The following KHDRBS2 variants were observed in gnomAD, a reference collection of about 807,000 sequenced individuals.
KHDRBS2 encodes the protein KH domain-containing, RNA-binding, signal transduction-associated protein 2.
In KHDRBS2, 26 loss-of-function variants were observed where a neutral mutation model predicts 44.3. The ratio of observed to expected loss-of-function variants is 0.59; its 90% CI spans 0.43 to 0.81. The LOEUF is 0.81. KHDRBS2 is among the 40% of genes least tolerant of loss of function. The probability of loss-of-function intolerance (pLI) is 0.00; values close to 1 mark genes in which losing one functional copy is unlikely to be tolerated. For synonymous variants in KHDRBS2, 194 were observed against 151.1 expected, an observed-to-expected ratio of 1.28 and a Z score of -2.08; for missense variants, 476 against 433.1, an observed-to-expected ratio of 1.10 and a Z score of -0.88.
chr6:61,955,238 A>G (rs1318977649), intron 4 of KHDRBS2, among the ~76,000 whole-genome samples: 7 of 145,464 alleles, frequency 4.8e-5, no homozygotes, highest in Non-Finnish European at 1.1e-4. Context: ...ACACATACGT[A>G]TGTATGTATA....
intron 7 of KHDRBS2, among the ~76,000 whole-genome samples, chr6:61,718,916 C>G (rs1771891136): frequency 6.6e-6 from 1 of 152,098 alleles, no homozygotes; most frequent in Non-Finnish European, 1.5e-5. Flanking sequence ...ACTGTTTCAG[C>G]CCTGATAACT....
chr6:61,731,092 G>A (rs1774368146), intron 7 of KHDRBS2, among the ~76,000 whole-genome samples: 2 of 151,928 alleles, frequency 1.3e-5, no homozygotes, highest in Non-Finnish European at 2.9e-5. Context: ...TTTCTATCAA[G>A]GGTTTCTGAA....
chr6:61,547,754 C>T, the KHDRBS2 span, among the ~76,000 whole-genome samples: 1 of 152,144 alleles, frequency 6.6e-6, no homozygotes, highest in Non-Finnish European at 1.5e-5. Context: ...TTCTGAAGTG[C>T]AGTCAGGGTG....
intron 6 of KHDRBS2, among the ~76,000 whole-genome samples, chr6:61,786,625 CA>C (rs766215431): frequency 2.0e-4 from 31 of 151,824 alleles, no homozygotes; most frequent in Admixed American, 4.6e-4. Flanking sequence ...GTCTTGCAAG[CA>C]AGGGAATTAG....
At chr6:61,620,996 C>T in the KHDRBS2 span, among the ~76,000 whole-genome samples, 1 of 152,190 alleles carries the variant, frequency 6.6e-6, no homozygotes, top group Non-Finnish European at 1.5e-5. Flanking sequence ...AATTCTCTTG[C>T]ACTTCTGCCT....
intron 6 of KHDRBS2, among the ~76,000 whole-genome samples, chr6:61,811,466 C>T (rs1473067333): frequency 6.6e-6 from 1 of 152,090 alleles, no homozygotes; most frequent in East Asian, 1.9e-4. Context: ...GGTATATATC[C>T]AGTAATAGAA....
chr6:61,546,117 A>T, the KHDRBS2 span, among the ~76,000 whole-genome samples: 2 of 152,092 alleles, frequency 1.3e-5, no homozygotes, highest in Non-Finnish European at 2.9e-5. Context: ...AAAAATCTTT[A>T]TCTAGTATTT....
chr6:62,217,546 A>G lies in KHDRBS2; in HGVS notation c.92-40234T>C, dbSNP rs1433217174. Among the ~76,000 whole-genome samples the G allele has an allele frequency of 3.3e-5, 5 of 151,970 alleles. No homozygotes were observed. The South Asian group carries it at 8.3e-4, about 25-fold the overall frequency. ...GGTAAATGTGATTTATAAATTAGCAAAATACTGAAGAAGCAGCAGAGATTG... is the reference window on the plus strand; with the variant it reads ...GGTAAATGTGATTTATAAATTAGCAGAATACTGAAGAAGCAGCAGAGATTG... On this transcript the variant is annotated intron_variant, in intron 1 of 8. Coordinates refer to ENST00000281156, the MANE Select transcript of KHDRBS2 (RefSeq NM_152688.4).
At chr6:62,045,164 A>C (rs1418103209) in intron 3 of KHDRBS2, among the ~76,000 whole-genome samples, 7 of 152,062 alleles carry the variant, frequency 4.6e-5, no homozygotes, top group Admixed American at 2.6e-4. Context: ...GGAGGGGAAC[A>C]ATAAAGAATG....
chr6:61,731,954 T>A (rs1368209534), intron 7 of KHDRBS2, among the ~76,000 whole-genome samples: 1 of 152,088 alleles, frequency 6.6e-6, no homozygotes, highest in Non-Finnish European at 1.5e-5. Flanking sequence ...AAAAAACAGA[T>A]AGTTGGTTTC....
At chr6:62,153,060 CATT>C (rs1815572275) in intron 2 of KHDRBS2, among the ~76,000 whole-genome samples, 1 of 152,152 alleles carries the variant, frequency 6.6e-6, no homozygotes, top group African/African-American at 2.4e-5. Flanking sequence ...GATTTTGAAA[CATT>C]ATTTCACAGT....
intron 2 of KHDRBS2, among the ~76,000 whole-genome samples, chr6:62,049,884 A>G (rs1788593046): frequency 1.3e-5 from 2 of 152,086 alleles, no homozygotes; most frequent in Non-Finnish European, 2.9e-5. Flanking sequence ...CAGTGTGTTG[A>G]TTCCTCAAGG....
chr6:61,590,308 C>T, the KHDRBS2 span, among the ~76,000 whole-genome samples: 2 of 152,170 alleles, frequency 1.3e-5, no homozygotes, highest in African/African-American at 4.8e-5. Context: ...AAAATTCATT[C>T]ACTACCAGAC....
intron 1 of KHDRBS2, among the ~76,000 whole-genome samples, chr6:62,221,215 A>G (rs949769501): frequency 1.3e-5 from 2 of 152,088 alleles, no homozygotes; most frequent in African/African-American, 2.4e-5. Context: ...CATAAAAATA[A>G]AAGTTGTATT....
At chr6:61,786,346 TG>T (rs1484599417) in intron 6 of KHDRBS2, among the ~76,000 whole-genome samples, 80 of 152,060 alleles carry the variant, frequency 5.3e-4, no homozygotes, top group Non-Finnish European at 1.0e-3. Flanking sequence ...GTCTTTTTCA[TG>T]ATTAGGGGTC....
At chr6:62,207,233 A>AG (rs1308748255) in intron 1 of KHDRBS2, among the ~76,000 whole-genome samples, 2 of 152,124 alleles carry the variant, frequency 1.3e-5, no homozygotes, top group African/African-American at 4.8e-5. Flanking sequence ...TAAATGATAA[A>AG]GCATTATATA....
chr6:62,086,024 G>A (rs1798310801), intron 2 of KHDRBS2, among the ~76,000 whole-genome samples: 1 of 152,088 alleles, frequency 6.6e-6, no homozygotes. Context: ...GAATCTGAAA[G>A]GGTGCTAAGT....
chr6:61,663,169 G>A, the KHDRBS2 span, among the ~76,000 whole-genome samples: 14 of 144,194 alleles, frequency 9.7e-5, no homozygotes, highest in East Asian at 6.6e-4. Flanking sequence ...CAAACGCCGC[G>A]TGTTCTCACT....
the KHDRBS2 span, among the ~76,000 whole-genome samples, chr6:61,673,103 A>T: frequency 6.6e-6 from 1 of 151,882 alleles, no homozygotes; most frequent in Non-Finnish European, 1.5e-5. Flanking sequence ...TTAAATAGGG[A>T]ATCCTTCCCC....
Sources: gnomAD v4.1 joint callset for allele counts (sites outside exome capture counted in the v4.1 genomes callset) on GRCh38, gnomAD v4.1.1 for gene constraint, MANE v1.5 for transcripts, NCBI Gene and HGNC (gene_info 2026-07-23, HGNC 2026-07-21) for gene names.